The following RPS6KC1 variants were observed in gnomAD, a reference collection of about 807,000 sequenced individuals.
RPS6KC1 encodes inactive ribosomal protein S6 kinase delta-1.
A neutral mutation model predicts 103.8 loss-of-function variants in RPS6KC1; 54 were observed. That is an observed-to-expected ratio of 0.52 (90% CI 0.42 to 0.65). RPS6KC1 has a LOEUF of 0.65. Ranked by LOEUF, RPS6KC1 falls within the 30% of genes least tolerant of loss-of-function variation. The pLI, the probability that RPS6KC1 is intolerant of heterozygous loss-of-function variation, is 0.00. For missense variants in RPS6KC1, 1,151 were observed against 1,253.8 expected, an observed-to-expected ratio of 0.92 and a Z score of 1.24; for synonymous variants, 439 against 438.7, an observed-to-expected ratio of 1.00 and a Z score of -0.01.
the RPS6KC1 span, among the ~76,000 whole-genome samples, chr1:213,600,645 C>T: frequency 6.6e-6 from 1 of 152,148 alleles, no homozygotes; most frequent in Admixed American, 6.5e-5. Flanking sequence ...CTGTCTATCC[C>T]CACCTTAAGA....
At chr1:213,187,250 C>CCT (rs2092570639) in intron 8 of RPS6KC1, among the ~76,000 whole-genome samples, 1 of 135,108 alleles carries the variant, frequency 7.4e-6, no homozygotes. Context: ...TCTTCTTCTT[C>CCT]TTTTTTTTTT....
chr1:213,614,916 C>T, the RPS6KC1 span, among the ~76,000 whole-genome samples: 6 of 152,138 alleles, frequency 3.9e-5, no homozygotes, highest in East Asian at 7.7e-4. Flanking sequence ...TATGATGTTG[C>T]CTGGGCTGGT....
At chr1:213,741,501 C>A in the RPS6KC1 span, among the ~76,000 whole-genome samples, 1 of 150,322 alleles carries the variant, frequency 6.7e-6, no homozygotes, top group African/African-American at 2.4e-5. Context: ...TGAGAAAATG[C>A]GTGCTTGATG....
intron 8 of RPS6KC1, among the ~76,000 whole-genome samples, chr1:213,188,864 C>T (rs2092642175): frequency 6.6e-6 from 1 of 150,938 alleles, no homozygotes; most frequent in Admixed American, 6.6e-5. Flanking sequence ...AAATATAGAC[C>T]CGATTATTCT....
rs530991866 is a variant in RPS6KC1 at position 213,096,637 on chromosome 1, C to A, written c.263-7817C>A. On this transcript the variant is annotated intron_variant, in intron 3 of 14. Transcript: ENST00000366960. ...TTGAGATTGCGCTACTGTACTCCAG[C>A]CTGGGTGACAGCACGAGACACTGTA... is the stretch of plus-strand genomic sequence containing the variant. 4.6e-5 allele frequency among the ~76,000 whole-genome samples: 7 copies of A among 152,018 alleles called. No individual in the cohort carries two copies. In the South Asian group the frequency reaches 1.5e-3, roughly 32 times the overall value.
chr1:213,101,559 A>AT (rs993263237), intron 3 of RPS6KC1, among the ~76,000 whole-genome samples: 26 of 151,370 alleles, frequency 1.7e-4, no homozygotes, highest in African/African-American at 5.3e-4. Flanking sequence ...AAAGCCTCCA[A>AT]TTTTTTTTTG....
chr1:213,789,396 G>C, the RPS6KC1 span, among the ~76,000 whole-genome samples: 1 of 152,152 alleles, frequency 6.6e-6, no homozygotes, highest in Non-Finnish European at 1.5e-5. Flanking sequence ...AAAGAGTTTA[G>C]TATTATAGAA....
chr1:213,381,635 C>G, the RPS6KC1 span, among the ~76,000 whole-genome samples: 1 of 151,628 alleles, frequency 6.6e-6, no homozygotes, highest in African/African-American at 2.4e-5. Context: ...CCAACTCTCC[C>G]TTTGTGCTGT....
Position 213,104,388 on chromosome 1 carries a change from C to T in RPS6KC1, c.263-66C>T, listed in dbSNP as rs745427730. On this transcript the variant is annotated intron_variant, in intron 3 of 14. Transcript: ENST00000366960. ...CTGCTGCTGCTTTCTGATCTGTGGA[C>T]GTAAACTATCATAAACCAGTGTTTG... is the stretch of plus-strand genomic sequence containing the variant. 120 of 1,041,102 alleles carry T rather than the reference C, an allele frequency of 1.2e-4. 1 individual carries two copies. Among genetic ancestry groups the T allele is most frequent in the East Asian group, 3.5e-4 (14 of 40,342 alleles). 64.5% of individuals were successfully genotyped at this position (1,041,102 alleles called of 1,614,324 possible). A position where few individuals can be genotyped will look rare whatever the true frequency, so the allele number is the denominator to read the frequency against.
chr1:213,474,005 A>G, the RPS6KC1 span, among the ~76,000 whole-genome samples: 1 of 152,096 alleles, frequency 6.6e-6, no homozygotes, highest in Non-Finnish European at 1.5e-5. Flanking sequence ...TCTAAGAACC[A>G]AGCACTTCCC....
chr1:213,524,580 G>A, the RPS6KC1 span, among the ~76,000 whole-genome samples: 2 of 152,208 alleles, frequency 1.3e-5, no homozygotes, highest in African/African-American at 4.8e-5. Context: ...GGTGTGGAAA[G>A]TATGGGCTTC....
chr1:213,172,957 C>T (rs182975716), intron 7 of RPS6KC1, among the ~76,000 whole-genome samples: 249 of 152,312 alleles, frequency 1.6e-3, no homozygotes, highest in African/African-American at 5.2e-3. Flanking sequence ...TCTCCCGTCG[C>T]GCTTCATAGC....
the RPS6KC1 span, among the ~76,000 whole-genome samples, chr1:213,447,233 A>G: frequency 6.6e-6 from 1 of 152,118 alleles, no homozygotes; most frequent in South Asian, 2.1e-4. Flanking sequence ...CATTTGGCTA[A>G]TTTTGAAATT....
At chr1:213,225,521 T>C (rs549666938) in intron 8 of RPS6KC1, among the ~76,000 whole-genome samples, 224 of 152,230 alleles carry the variant, frequency 1.5e-3, no homozygotes, top group Non-Finnish European at 2.7e-3. Context: ...CCCGAGTAGC[T>C]GGGATTATAG....
chr1:213,282,294 C>T, the RPS6KC1 span, among the ~76,000 whole-genome samples: 37 of 152,210 alleles, frequency 2.4e-4, no homozygotes, highest in Non-Finnish European at 1.5e-5. Flanking sequence ...TGATGCTGAT[C>T]CTGGACCTGT....
chr1:213,070,215 G>T (rs2078743602), intron 1 of RPS6KC1, among the ~76,000 whole-genome samples: 1 of 152,036 alleles, frequency 6.6e-6, no homozygotes, highest in Admixed American at 6.6e-5. Context: ...AATAATGTAG[G>T]GAGATCCCTT....
chr1:213,157,904 A>C (rs1182539611), intron 6 of RPS6KC1, among the ~76,000 whole-genome samples: 1 of 152,154 alleles, frequency 6.6e-6, no homozygotes, highest in Non-Finnish European at 1.5e-5. Context: ...ATAACCTTTT[A>C]ATGTTATAAA....
At chr1:213,204,892 G>A (rs2093290776) in intron 8 of RPS6KC1, among the ~76,000 whole-genome samples, 1 of 152,136 alleles carries the variant, frequency 6.6e-6, no homozygotes, top group Admixed American at 6.5e-5. Flanking sequence ...GCTTCCCAAA[G>A]TGCTGGGATT....
At chr1:213,125,460 C>G (rs1271003194) in intron 5 of RPS6KC1, among the ~76,000 whole-genome samples, 1 of 151,526 alleles carries the variant, frequency 6.6e-6, no homozygotes, top group Non-Finnish European at 1.5e-5. Flanking sequence ...TTTTGTACAC[C>G]TCTGATAGGT....
Sources: allele counts gnomAD v4.1 joint callset (sites outside exome capture counted in the v4.1 genomes callset), GRCh38; gene constraint gnomAD v4.1.1; transcripts MANE v1.5; gene names NCBI Gene and HGNC (gene_info 2026-07-23, HGNC 2026-07-21).